The following MMP26 variants were observed in gnomAD, a reference collection of about 807,000 sequenced individuals.
MMP26 encodes the protein matrix metalloproteinase-26.
A neutral mutation model predicts 31.0 loss-of-function variants in MMP26; 33 were observed. The ratio of observed to expected loss-of-function variants is 1.06; its 90% CI spans 0.81 to 1.42. MMP26 has a LOEUF of 1.42. MMP26 is among the 40% of genes most tolerant of loss of function. The pLI is 0.00. For missense variants in MMP26, 347 were observed against 316.1 expected, an observed-to-expected ratio of 1.10 and a Z score of -0.74; for synonymous variants, 122 against 114.9, an observed-to-expected ratio of 1.06 and a Z score of -0.40.
chr11:4,890,064 G>A lies in MMP26; in HGVS notation c.-144-98004G>A, dbSNP rs118189350. ...AACCTTGTAAGAGTGAAAGGAAATG[G>A]GAGTACTAACAGCATGAGTTAGTTG... On this transcript the variant is annotated intron_variant, in intron 2 of 7. Transcript: ENST00000380390. The A allele has an allele frequency of 4.7e-3, 726 of 153,514 alleles. 3 individuals carry two copies. Among genetic ancestry groups the A allele is most frequent in the Middle Eastern group, 0.013 (4 of 298 alleles). The allele number at this position is 153,514 out of a possible 1,614,324, so 9.5% of individuals were successfully genotyped here.
intron 1 of MMP26, among the ~76,000 whole-genome samples, chr11:4,740,444 G>A (rs894529900): frequency 1.3e-5 from 2 of 152,216 alleles, no homozygotes; most frequent in Admixed American, 1.3e-4. Flanking sequence ...AGCACTTTGG[G>A]AGGCCAAGGC....
intron 2 of MMP26, among the ~76,000 whole-genome samples, chr11:4,905,085 A>G (rs1001683604): frequency 6.6e-6 from 1 of 152,176 alleles, no homozygotes; most frequent in Admixed American, 6.5e-5. Flanking sequence ...AATAAAAAGG[A>G]ATAAGAGTTA....
intron 2 of MMP26, among the ~76,000 whole-genome samples, chr11:4,967,378 G>T (rs761918486): frequency 6.6e-6 from 1 of 152,096 alleles, no homozygotes; most frequent in African/African-American, 2.4e-5. Context: ...GGCCTTATAC[G>T]TTTTCTTTAC....
intron 2 of MMP26, among the ~76,000 whole-genome samples, chr11:4,872,128 A>T (rs1850319193): frequency 6.6e-6 from 1 of 152,122 alleles, no homozygotes; most frequent in African/African-American, 2.4e-5. Context: ...TAAATGAGAT[A>T]GGACATGTAA....
At chr11:4,935,249 C>T (rs1201206137) in intron 2 of MMP26, among the ~76,000 whole-genome samples, 1 of 150,744 alleles carries the variant, frequency 6.6e-6, no homozygotes, top group Admixed American at 6.6e-5. Flanking sequence ...TCTTTTATTT[C>T]ATTGAGCAGT....
intron 1 of MMP26, among the ~76,000 whole-genome samples, chr11:4,718,457 C>T (rs1353666062): frequency 6.6e-6 from 1 of 152,126 alleles, no homozygotes; most frequent in Non-Finnish European, 1.5e-5. Flanking sequence ...TTTGTTGTTG[C>T]CATTAACCAA....
At chr11:4,928,225 G>A (rs1280659697) in intron 2 of MMP26, among the ~76,000 whole-genome samples, 2 of 151,932 alleles carry the variant, frequency 1.3e-5, no homozygotes, top group Non-Finnish European at 2.9e-5. Context: ...CATCCTTCCT[G>A]TTTCAGAGTT....
At position 4,992,122 on chromosome 11, in the gene MMP26, T is replaced by C; in HGVS notation, c.754T>C (p.Tyr252His). ...ADDIQRIQHL[Y>H]GEKCSSDIP ...TGATATCCAAAGGATCCAGCATTTG[T>C]ATGGTCTGTGCTGCTTAAGGAAGAG... The change falls in exon 7 of 8, where the codon TAT becomes CAT. Residue 252 changes from tyrosine (Y) to histidine (H), a missense_variant. Transcript: ENST00000380390. 1 of 1,613,160 alleles carries C rather than the reference T, an allele frequency of 6.2e-7. No individual in the cohort carries two copies. Among genetic ancestry groups the C allele is most frequent in the Non-Finnish European group, 8.5e-7 (1 of 1,179,740 alleles).
At chr11:4,739,316 C>G (rs1848282599) in intron 1 of MMP26, among the ~76,000 whole-genome samples, 1 of 152,114 alleles carries the variant, frequency 6.6e-6, no homozygotes, top group Non-Finnish European at 1.5e-5. Context: ...AGTCTTATTG[C>G]CATGCAGGTG....
intron 2 of MMP26, chr11:4,923,721 A>AG: frequency 6.2e-7 from 1 of 1,614,116 alleles, no homozygotes; most frequent in African/African-American, 1.3e-5. Flanking sequence ...CCCACGGTGC[A>AG]GGCCACAACA....
At chr11:4,894,624 G>A (rs143758759) in intron 2 of MMP26, among the ~76,000 whole-genome samples, 25 of 152,156 alleles carry the variant, frequency 1.6e-4, no homozygotes, top group African/African-American at 5.5e-4. Flanking sequence ...AGGAAAAAAT[G>A]TCCATAATGA....
intron 2 of MMP26, among the ~76,000 whole-genome samples, chr11:4,851,532 G>A (rs977090070): frequency 6.6e-6 from 1 of 152,006 alleles, no homozygotes; most frequent in African/African-American, 2.4e-5. Flanking sequence ...CTCTATACAC[G>A]TTTTAGTTAA....
At chr11:4,831,236 C>G (rs1325600622) in intron 2 of MMP26, among the ~76,000 whole-genome samples, 2 of 152,136 alleles carry the variant, frequency 1.3e-5, no homozygotes, top group African/African-American at 2.4e-5. Context: ...TCACACGTGG[C>G]CATCCTCTCT....
chr11:4,908,402 T>C, intron 2 of MMP26: 2 of 1,042,400 alleles, frequency 1.9e-6, no homozygotes, highest in South Asian at 1.3e-5. Flanking sequence ...AATGAAGGAC[T>C]GGATGATGGA....
intron 1 of MMP26, among the ~76,000 whole-genome samples, chr11:4,748,797 A>G (rs572414390): frequency 6.6e-6 from 1 of 152,062 alleles, no homozygotes; most frequent in African/African-American, 2.4e-5. Context: ...CATACCTGAA[A>G]ATGATAAAAG....
At chr11:4,908,896 A>G (rs1011170989) in intron 2 of MMP26, 2 of 157,288 alleles carry the variant, frequency 1.3e-5, no homozygotes, top group African/African-American at 4.8e-5. Flanking sequence ...CATGGATTGA[A>G]TTTGGGAGAG....
At chr11:4,986,336 C>T (rs1846886629) in intron 2 of MMP26, among the ~76,000 whole-genome samples, 1 of 151,318 alleles carries the variant, frequency 6.6e-6, no homozygotes, top group South Asian at 2.1e-4. Flanking sequence ...CATTTTAATT[C>T]TTTTATTTTT....
At chr11:4,884,507 G>T (rs1361462324) in intron 2 of MMP26, among the ~76,000 whole-genome samples, 1 of 152,084 alleles carries the variant, frequency 6.6e-6, no homozygotes, top group African/African-American at 2.4e-5. Context: ...CTAGTTTCTA[G>T]ACATCTGACG....
At chr11:4,884,011 T>G (rs551379380) in intron 2 of MMP26, among the ~76,000 whole-genome samples, 1 of 152,268 alleles carries the variant, frequency 6.6e-6, no homozygotes, top group East Asian at 1.9e-4. Flanking sequence ...CAATCTGGTT[T>G]GTTGACCTCA....
Sources: gnomAD v4.1 joint callset for allele counts (sites outside exome capture counted in the v4.1 genomes callset) on GRCh38, gnomAD v4.1.1 for gene constraint, MANE v1.5 for transcripts, NCBI Gene and HGNC (gene_info 2026-07-23, HGNC 2026-07-21) for gene names.